Variants in RIPK1 observed in about 807,000 individuals in gnomAD.
RIPK1 encodes receptor interacting serine/threonine kinase 1.
RIPK1 carries 27 observed loss-of-function variants against 62.4 expected under a neutral mutation model. That is an observed-to-expected ratio of 0.43 (90% CI 0.32 to 0.60). RIPK1 has a LOEUF of 0.60. RIPK1 is among the 20% of genes least tolerant of loss of function. The pLI is 0.07. For missense variants in RIPK1, 735 were observed against 831.0 expected (o/e 0.88, Z 1.42); for synonymous variants, 287 against 303.2 (o/e 0.95, Z 0.55).
intron 7 of RIPK1, among the ~76,000 whole-genome samples, chr6:3,103,420 G>A (rs1760684693): frequency 6.6e-6 from 1 of 151,656 alleles, no homozygotes; most frequent in Non-Finnish European, 1.5e-5. Flanking sequence ...TCCTGCCTCA[G>A]CCTCCCGAGT....
At position 3,076,907 on chromosome 6, in the gene RIPK1, T is replaced by C. The variant is rs2272990; in HGVS notation, c.84T>C (p.Phe28=). 0.94 allele frequency: 1,519,458 copies of C among 1,611,990 alleles called. 718,360 individuals carry two copies. The highest frequency in any genetic ancestry group is 0.96 in the Non-Finnish European group (1,135,540 of 1,179,046). ...LESAELDSGG[F]GKVSLCFHRT... The stretch of plus-strand genomic sequence containing the variant: ...GTGCAGAACTGGACAGCGGAGGCTT[T>C]GGGAAGGTGTCTCTGTGTTTCCACA... Residue 28 remains phenylalanine (F), a synonymous_variant, in exon 2 of 11, where the codon TTT becomes TTC. Transcript: ENST00000259808.
Position 3,113,124 on chromosome 6 carries a change from T to C in RIPK1, c.1801T>C (p.Cys601Arg). The C allele has an allele frequency of 6.2e-7, 1 of 1,608,558 alleles. No homozygotes were observed. The highest frequency in any genetic ancestry group is 8.5e-7 in the Non-Finnish European group (1 of 1,175,606). Reference sequence around the variant, plus strand: ...AAATCTGGGAAAGCACTGGAAAAACTGTGCCCGTAAACTGGGCTTCACACA... The same window carrying C: ...AAATCTGGGAAAGCACTGGAAAAACCGTGCCCGTAAACTGGGCTTCACACA... ...RENLGKHWKN[C>R]ARKLGFTQSQ... Residue 601 changes from cysteine to arginine, a missense_variant, in exon 11 of 11, where the codon TGT (cysteine) becomes CGT (arginine). By Grantham distance (180) the Cys-to-Arg change is radical. Around this residue, in one of 2 missense-constraint regions of RIPK1, gnomAD observed 64 missense variants for 104.8 expected, o/e 0.61. Coordinates refer to ENST00000259808, the MANE Select transcript of RIPK1 (RefSeq NM_001354930.2). This position sits in a 1 kb window ranked among gnomAD's most constrained non-coding sequence, Gnocchi z 5.0.
chr6:3,111,001 C>G, intron 10 of RIPK1, 46 bp downstream of exon 10: 2 of 1,429,880 alleles, frequency 1.4e-6, no homozygotes, highest in Non-Finnish European at 1.9e-6. Flanking sequence ...CTTGAACTTT[C>G]TTACTTGTGA....
chr6:3,111,802 C>T (rs529839427), intron 10 of RIPK1, among the ~76,000 whole-genome samples: 2 of 152,224 alleles, frequency 1.3e-5, no homozygotes, highest in East Asian at 3.9e-4. Context: ...CTGTGAGAAT[C>T]TAATGAAACC....
chr6:3,078,010 T>C (rs1352794976), intron 3 of RIPK1, 75 bp downstream of exon 3: 1 of 1,477,452 alleles, frequency 6.8e-7, no homozygotes, highest in Non-Finnish European at 9.2e-7. Flanking sequence ...CCTTGGGGTG[T>C]TTGTTTGCAG....
intron 1 of RIPK1, among the ~76,000 whole-genome samples, chr6:3,073,695 C>T (rs866317283): frequency 2.1e-4 from 32 of 152,282 alleles, no homozygotes; most frequent in South Asian, 1.0e-3. Context: ...AGAGCTGGCC[C>T]CAGCCTTTAG....
upstream of RIPK1, among the ~76,000 whole-genome samples, chr6:3,067,051 ATTTTT>A (rs36132424): frequency 7.3e-4 from 43 of 59,050 alleles, no homozygotes; most frequent in African/African-American, 2.4e-3. Context: ...TTGCTCCAGG[ATTTTT>A]TTTTTTTTTT....
chr6:3,081,261 C>T lies in RIPK1; in HGVS notation c.459+145C>T, dbSNP rs78372308. 1.8e-3 allele frequency: 1,610 copies of T among 889,474 alleles called. 19 individuals are homozygous for T. The African/African-American group carries it at 0.025, about 14-fold the overall frequency. 55.1% of individuals were successfully genotyped at this position (889,474 alleles called of 1,614,324 possible). On this transcript the variant is annotated intron_variant, in intron 4 of 10. Coordinates refer to ENST00000259808, the MANE Select transcript of RIPK1 (RefSeq NM_001354930.2). Reference sequence around the variant, plus strand: ...TGATGATGGTGCCGAAAGGCTCTACCGGTGATTGAGAGGAAGGCTGCAGGC... The same window carrying T: ...TGATGATGGTGCCGAAAGGCTCTACTGGTGATTGAGAGGAAGGCTGCAGGC...
At chr6:3,104,955 G>A (rs1760766753) in intron 8 of RIPK1, among the ~76,000 whole-genome samples, 3 of 152,000 alleles carry the variant, frequency 2.0e-5, no homozygotes, top group South Asian at 4.1e-4. Flanking sequence ...AGGTTCAAGC[G>A]ATTCTTCTGC....
intron 8 of RIPK1, among the ~76,000 whole-genome samples, chr6:3,104,734 C>T (rs918836074): frequency 2.0e-5 from 3 of 152,150 alleles, no homozygotes; most frequent in Admixed American, 2.0e-4. Context: ...CGCTTAGCTA[C>T]CTGATCTGTG....
chr6:3,105,989 T>G lies in RIPK1; in HGVS notation c.1514T>G (p.Val505Gly), dbSNP rs1473588535. Reference sequence around the variant, plus strand: ...ATGCCTAGTCTGCATAATATCCCAGTGCCTGAGACCAACTATCTAGGAAAT... The same window carrying G: ...ATGCCTAGTCTGCATAATATCCCAGGGCCTGAGACCAACTATCTAGGAAAT... ...SHMPSLHNIP[V>G]PETNYLGNTP... Residue 505 changes from valine to glycine, a missense_variant, in exon 9 of 11, where the codon GTG (valine) becomes GGG (glycine). Val to Gly is a moderately radical substitution (Grantham distance 109). Around this residue, in one of 2 missense-constraint regions of RIPK1, gnomAD observed 671 missense variants for 726.2 expected, o/e 0.92. Transcript: ENST00000259808. The surrounding 1 kb of genome is among the most constrained non-coding windows in gnomAD (Gnocchi z 4.5). The G allele has an allele frequency of 5.6e-6, 9 of 1,614,074 alleles. No individual in the cohort carries two copies. Among genetic ancestry groups the G allele is most frequent in the Non-Finnish European group, 7.6e-6 (9 of 1,179,926 alleles).
chr6:3,081,848 G>A (rs1043132457), intron 4 of RIPK1, among the ~76,000 whole-genome samples: 6 of 99,110 alleles, frequency 6.1e-5, no homozygotes, highest in Non-Finnish European at 9.2e-5. Flanking sequence ...CAACAAGAGC[G>A]AAACTCTGCC....
At chr6:3,064,457 C>T (rs1758289946), upstream of RIPK1, among the ~76,000 whole-genome samples, 1 of 152,180 alleles carries the variant, frequency 6.6e-6, no homozygotes, top group African/African-American at 2.4e-5. Flanking sequence ...GTTCTAAATC[C>T]GAGCACTCTT....
At chr6:3,076,090 T>C (rs1446037291) in intron 1 of RIPK1, among the ~76,000 whole-genome samples, 1 of 152,172 alleles carries the variant, frequency 6.6e-6, no homozygotes, top group Non-Finnish European at 1.5e-5. Context: ...CGGTGCTCTG[T>C]TTCTGTCCCT....
In RIPK1 at chr6:3,076,695, A is replaced by ATAC. The variant is rs567846699; in HGVS notation, c.-60-69_-60-68insTAC. ...ACCCTGTCTCCAAAGGAGAAAAAAA[A>ATAC]AAACATATATATATATATATATATA... On this transcript the variant is annotated intron_variant, in intron 1 of 10. Coordinates refer to ENST00000259808, the MANE Select transcript of RIPK1 (RefSeq NM_001354930.2). The ATAC allele has an allele frequency of 1.7e-3, 39 of 22,334 alleles. 2 individuals are homozygous for ATAC. Among genetic ancestry groups the ATAC allele is most frequent in the South Asian group, 0.016 (5 of 316 alleles). 1.4% of individuals were successfully genotyped at this position (22,334 alleles called of 1,614,324 possible). A position where few individuals can be genotyped will look rare whatever the true frequency, so the allele number is the denominator to read the frequency against.
chr6:3,073,225 A>T, intron 1 of RIPK1, among the ~76,000 whole-genome samples: 1 of 90,946 alleles, frequency 1.1e-5, no homozygotes, highest in Non-Finnish European at 2.9e-5. Flanking sequence ...GTATATATAC[A>T]CACATATACA....
At chr6:3,068,285 C>T, upstream of RIPK1, 1 of 985,596 alleles carries the variant, frequency 1.0e-6, no homozygotes, top group Non-Finnish European at 1.2e-6. Flanking sequence ...CCCTCCAGAC[C>T]CTTCTCCCTC....
In RIPK1 at chr6:3,090,622, T is replaced by A. The variant is rs546499393; in HGVS notation, c.915+965T>A. ...AAACAGACAAATCCACAATTAAAAC[T>A]GAAGATTTTAATACACATCTCTCTT... On this transcript the variant is annotated intron_variant, in intron 7 of 10. Coordinates refer to ENST00000259808, the MANE Select transcript of RIPK1 (RefSeq NM_001354930.2). Among the ~76,000 whole-genome samples the A allele has an allele frequency of 2.6e-5, 4 of 152,238 alleles. No homozygotes were observed. The East Asian group carries it at 7.7e-4, about 29-fold the overall frequency.
At chr6:3,068,712 G>T in intron 1 of RIPK1, 51 bp downstream of exon 1, 1 of 973,362 alleles carries the variant, frequency 1.0e-6, no homozygotes, top group African/African-American at 1.8e-5. Flanking sequence ...GCCGGGCTCA[G>T]TCCCGGTGAC....
Sources: gnomAD v4.1 joint callset for allele counts (sites outside exome capture counted in the v4.1 genomes callset) on GRCh38, gnomAD v4.1.1 for gene constraint, gnomAD v4.1.1 regional missense constraint, Gnocchi (gnomAD v3.1) non-coding constraint, MANE v1.5 for transcripts, NCBI Gene and HGNC (gene_info 2026-07-23, HGNC 2026-07-21) for gene names.